The following SOS2 variants were observed in gnomAD, a reference collection of about 807,000 sequenced individuals.
SOS2 encodes the protein son of sevenless homolog 2.
SOS2 carries 65 observed loss-of-function variants against 148.2 expected under a neutral mutation model. That is an observed-to-expected ratio of 0.44 (90% CI 0.36 to 0.54). The LOEUF (loss-of-function observed/expected upper bound fraction) is 0.54. Among genes scored for constraint, SOS2 ranks in the 20% least tolerant of loss-of-function variants. SOS2 has a pLI of 0.00. For missense variants in SOS2, 1,341 were observed against 1,590.2 expected, an observed-to-expected ratio of 0.84 and a Z score of 2.67; for synonymous variants, 539 against 537.1, an observed-to-expected ratio of 1.00 and a Z score of -0.05.
chr14:50,167,617 C>T (rs867893374), intron 8 of SOS2, among the ~76,000 whole-genome samples: 1 of 151,752 alleles, frequency 6.6e-6, no homozygotes, highest in Non-Finnish European at 1.5e-5. Flanking sequence ...ACCTGTAATC[C>T]CAGCACTTTG....
intron 13 of SOS2, among the ~76,000 whole-genome samples, chr14:50,151,003 G>A (rs1432972961): frequency 2.0e-5 from 3 of 151,528 alleles, no homozygotes; most frequent in Admixed American, 6.6e-5. Flanking sequence ...GATTACAGGC[G>A]TGAGCCACCG....
intron 6 of SOS2, among the ~76,000 whole-genome samples, chr14:50,181,215 G>A (rs1344298382): frequency 6.6e-5 from 10 of 152,114 alleles, no homozygotes; most frequent in African/African-American, 1.2e-4. Context: ...TTGGGAGGCC[G>A]AGGCGGACGG....
Position 50,199,822 on chromosome 14 carries a change from A to C in SOS2, c.379T>G (p.Ser127Ala). 6.3e-7 allele frequency: 1 copy of C among 1,592,454 alleles called. No homozygotes were observed. The highest frequency in any genetic ancestry group is 8.6e-7 in the Non-Finnish European group (1 of 1,164,764). ...TCTAGTACAGCCACAATATATAGGG[A>C]TACATGGTAGTCCACTTTGTACCCT... ...VLGYKVDYHV[S>A]LYIVAVLEYI... is the part of the protein sequence containing the mutation. The change falls in exon 4 of 23, where the codon TCC (serine) becomes GCC (alanine). Residue 127 changes from serine (S) to alanine (A), a missense_variant. Coordinates refer to ENST00000216373, the MANE Select transcript of SOS2 (RefSeq NM_006939.4).
intron 8 of SOS2, among the ~76,000 whole-genome samples, chr14:50,172,847 G>C (rs903872835): frequency 1.3e-5 from 2 of 152,238 alleles, no homozygotes; most frequent in East Asian, 1.9e-4. Context: ...GCACGTGAAA[G>C]ATGGAGATTT....
At chr14:50,184,671 C>T (rs1252507491) in intron 5 of SOS2, among the ~76,000 whole-genome samples, 1 of 151,892 alleles carries the variant, frequency 6.6e-6, no homozygotes, top group Non-Finnish European at 1.5e-5. Context: ...GGGAAAGAGC[C>T]TGGGAAACAT....
intron 1 of SOS2, among the ~76,000 whole-genome samples, chr14:50,225,507 T>C (rs1887341383): frequency 6.6e-6 from 1 of 152,184 alleles, no homozygotes; most frequent in South Asian, 2.1e-4. Context: ...CATACCAAAA[T>C]TAAACCAAAA....
intron 16 of SOS2, among the ~76,000 whole-genome samples, chr14:50,144,690 AG>A (rs1566825430): frequency 2.6e-5 from 4 of 152,110 alleles, no homozygotes; most frequent in African/African-American, 7.2e-5. Context: ...GACCCGCCTC[AG>A]CCTCCTAAAG....
At chr14:50,172,034 T>C (rs1885383020) in intron 8 of SOS2, among the ~76,000 whole-genome samples, 1 of 152,308 alleles carries the variant, frequency 6.6e-6, no homozygotes, top group East Asian at 1.9e-4. Context: ...ATTTAAAAGG[T>C]AATGCCAAGC....
chr14:50,151,868 C>A (rs1884673110), intron 13 of SOS2, among the ~76,000 whole-genome samples: 2 of 151,990 alleles, frequency 1.3e-5, no homozygotes, highest in Non-Finnish European at 2.9e-5. Context: ...GGACTACAGG[C>A]ACATGCCACC....
intron 1 of SOS2, among the ~76,000 whole-genome samples, chr14:50,214,969 G>C (rs558987618): frequency 6.6e-6 from 1 of 151,428 alleles, no homozygotes; most frequent in Non-Finnish European, 1.5e-5. Context: ...CCGAGTAGCT[G>C]GGACTATAGG....
intron 11 of SOS2, among the ~76,000 whole-genome samples, chr14:50,157,855 ATGCCAC>A (rs1331548080): frequency 6.6e-6 from 1 of 152,192 alleles, no homozygotes; most frequent in Non-Finnish European, 1.5e-5. Flanking sequence ...AACATTTAAA[ATGCCAC>A]TATAATACTA....
Position 50,217,617 on chromosome 14 carries a change from A to G in SOS2, c.88-13208T>C, listed in dbSNP as rs186130702. 4.6e-5 allele frequency among the ~76,000 whole-genome samples: 7 copies of G among 152,308 alleles called. No individual in the cohort carries two copies. The East Asian group carries it at 1.3e-3, about 29-fold the overall frequency. On this transcript the variant is annotated intron_variant, in intron 1 of 22. Transcript: ENST00000216373. Reference sequence around the variant, plus strand: ...CCTGGGTTAGGCAAAGATTTCCTTGATATGACACTAATGGCACAGTCCCTA... The same window carrying G: ...CCTGGGTTAGGCAAAGATTTCCTTGGTATGACACTAATGGCACAGTCCCTA...
chr14:50,193,905 T>G (rs1476269086), intron 4 of SOS2, among the ~76,000 whole-genome samples: 1 of 152,056 alleles, frequency 6.6e-6, no homozygotes, highest in African/African-American at 2.4e-5. Flanking sequence ...CCACCACGTC[T>G]GGACGATTTT....
intron 21 of SOS2, among the ~76,000 whole-genome samples, chr14:50,121,922 A>G (rs1883527425): frequency 6.6e-6 from 1 of 152,142 alleles, no homozygotes; most frequent in African/African-American, 2.4e-5. Flanking sequence ...TAGTTGGCCA[A>G]TCCTGCCCAG....
intron 1 of SOS2, among the ~76,000 whole-genome samples, chr14:50,208,544 A>T (rs1456761192): frequency 6.6e-6 from 1 of 151,992 alleles, no homozygotes; most frequent in Non-Finnish European, 1.5e-5. Flanking sequence ...GCTACTCGGG[A>T]GGCTGAGGCA....
chr14:50,224,364 C>CATAT lies in SOS2; in HGVS notation c.87+6829_87+6832dup, dbSNP rs1270067681. Among the ~76,000 whole-genome samples, 40 of 109,354 alleles carry CATAT rather than the reference C, an allele frequency of 3.7e-4. 1 individual carries two copies. The highest frequency in any genetic ancestry group is 4.9e-4 in the Non-Finnish European group (26 of 52,870). 71.7% of individuals were successfully genotyped at this position (109,354 alleles called of 152,430 possible). ...ACACACACACACACACACACACACA[C>CATAT]ATATATATAAATGGGCTCTGGGGAG... On this transcript the variant is annotated intron_variant, in intron 1 of 22. Coordinates refer to ENST00000216373, the MANE Select transcript of SOS2 (RefSeq NM_006939.4).
At chr14:50,136,696 C>T in intron 18 of SOS2, among the ~76,000 whole-genome samples, 1 of 151,168 alleles carries the variant, frequency 6.6e-6, no homozygotes, top group East Asian at 1.9e-4. Flanking sequence ...TCCAAGCGAT[C>T]CTCCCACCTC....
At chr14:50,194,119 A>G (rs1486851509) in intron 4 of SOS2, among the ~76,000 whole-genome samples, 3 of 152,228 alleles carry the variant, frequency 2.0e-5, no homozygotes, top group Non-Finnish European at 4.4e-5. Flanking sequence ...AATGTCTGAA[A>G]CAAGGACCAG....
At chr14:50,196,838 AG>A (rs143585703) in intron 4 of SOS2, among the ~76,000 whole-genome samples, 3,149 of 152,250 alleles carry the variant, frequency 0.021, 72 homozygotes, top group Non-Finnish European at 0.026. Flanking sequence ...AAACCAAGCT[AG>A]GGCTCCTAAT....
Sources: gnomAD v4.1 joint callset for allele counts (sites outside exome capture counted in the v4.1 genomes callset) on GRCh38, gnomAD v4.1.1 for gene constraint, MANE v1.5 for transcripts, NCBI Gene and HGNC (gene_info 2026-07-23, HGNC 2026-07-21) for gene names.